The following PCDHA2 variants were observed in gnomAD, a reference collection of about 807,000 sequenced individuals.
PCDHA2 encodes the protein protocadherin alpha-2.
Under a neutral mutation model 66.0 loss-of-function variants are expected in PCDHA2, and 58 were observed. That is an observed-to-expected ratio of 0.88 (90% CI 0.71 to 1.09). The LOEUF (loss-of-function observed/expected upper bound fraction) is 1.09. Among genes scored for constraint, PCDHA2 ranks in the 50% least tolerant of loss-of-function variants. The pLI, the probability that PCDHA2 is intolerant of heterozygous loss-of-function variation, is 0.00. For synonymous variants in PCDHA2, 634 were observed against 554.0 expected, an observed-to-expected ratio of 1.14 and a Z score of -2.03; for missense variants, 1,267 against 1,242.3, an observed-to-expected ratio of 1.02 and a Z score of -0.30.
At chr5:140,924,911 TAAAATA>T (rs1563069196) in intron 1 of PCDHA2, among the ~76,000 whole-genome samples, 7 of 59,704 alleles carry the variant, frequency 1.2e-4, no homozygotes, top group Non-Finnish European at 2.5e-4. Flanking sequence ...AAAAATAAAA[TAAAATA>T]AAATAAAATA....
intron 1 of PCDHA2, chr5:140,803,775 G>A (rs868977424): frequency 9.8e-7 from 1 of 1,017,848 alleles, no homozygotes; most frequent in South Asian, 1.7e-5. Flanking sequence ...AACCAAATCA[G>A]CAGTAAGTTA....
chr5:140,862,677 G>T, intron 1 of PCDHA2: 1 of 550,930 alleles, frequency 1.8e-6, no homozygotes. Context: ...AGGAGAACGT[G>T]CTGGTGTCCT....
intron 1 of PCDHA2, chr5:140,847,941 A>G (rs923253393): frequency 3.3e-5 from 5 of 151,238 alleles, no homozygotes; most frequent in African/African-American, 1.2e-4. Flanking sequence ...CAACTCCTGG[A>G]TTTCTCTTAC....
chr5:140,889,518 ATAT>A (rs2062258374), intron 1 of PCDHA2, among the ~76,000 whole-genome samples: 1 of 151,708 alleles, frequency 6.6e-6, no homozygotes, highest in South Asian at 2.1e-4. Flanking sequence ...TCCATTCTTG[ATAT>A]TATTTTTGCT....
intron 1 of PCDHA2, among the ~76,000 whole-genome samples, chr5:140,950,176 T>G (rs1221821328): frequency 6.6e-6 from 1 of 151,976 alleles, no homozygotes; most frequent in Non-Finnish European, 1.5e-5. Flanking sequence ...TTTAGAGAAT[T>G]AAGAAGGAAA....
rs1775694591 is a variant in PCDHA2 at position 140,838,348 on chromosome 5, T to C, written c.2388+40996T>C. ...CATGTTGCCCCGGCTGGTCTCGAAA[T>C]CTGGGACTCAAGTGATCTGACTGCC... On this transcript the variant is annotated intron_variant, in intron 1 of 3. Coordinates refer to ENST00000526136, the MANE Select transcript of PCDHA2 (RefSeq NM_018905.3). Among the ~76,000 whole-genome samples the C allele has an allele frequency of 1.3e-5, 2 of 150,108 alleles. 1 individual carries two copies. The highest frequency in any genetic ancestry group is 4.9e-5 in the African/African-American group (2 of 40,592).
rs782012270 is a variant in PCDHA2 at position 140,795,048 on chromosome 5, C to A, written c.84C>A (p.Ser28Arg). 1.9e-6 allele frequency: 3 copies of A among 1,613,822 alleles called. No individual in the cohort carries two copies. The highest frequency in any genetic ancestry group is 1.7e-6 in the Non-Finnish European group (2 of 1,179,998). ...TCCTCGCAGCCTGGGAGGTGGGGAG[C>A]GGCCAGCTCCGCTACTCCGTCCCCG... ...LLLLAAWEVG[S>R]GQLRYSVPEE... Residue 28 changes from serine to arginine, a missense_variant, in exon 1 of 4, where the codon AGC (serine) becomes AGA (arginine). Transcript: ENST00000526136.
rs1554262420 is a variant in PCDHA2, at chr5:141,009,791, C to G, written c.2701C>G (p.Pro901Ala). ...TGCAATCATCTCCATCCGGCAGGAG[C>G]CTACTAACAGCCAAATTGACAAAAG... ...SPAIISIRQE[P>A]TNSQIDKSDF... The change falls in exon 4 of 4, where the codon CCT becomes GCT. Residue 901 changes from proline (P) to alanine (A), a missense_variant. Pro to Ala is a conservative substitution (Grantham distance 27). Transcript: ENST00000526136. 1 of 1,614,084 alleles carries G rather than the reference C, an allele frequency of 6.2e-7. No individual in the cohort carries two copies. Among genetic ancestry groups the G allele is most frequent in the Admixed American group, 1.7e-5 (1 of 60,016 alleles).
At chr5:140,839,172 A>T (rs1216545013) in intron 1 of PCDHA2, among the ~76,000 whole-genome samples, 5 of 150,756 alleles carry the variant, frequency 3.3e-5, no homozygotes, top group African/African-American at 7.4e-5. Context: ...AAAGATATTC[A>T]GTTTTGTGGA....
chr5:140,891,748 C>G (rs575198849), intron 1 of PCDHA2, among the ~76,000 whole-genome samples: 2 of 152,242 alleles, frequency 1.3e-5, no homozygotes, highest in African/African-American at 4.8e-5. Flanking sequence ...CCTTATACAA[C>G]AGTGTTGGGA....
At chr5:140,958,810 G>T (rs2095443726) in intron 1 of PCDHA2, among the ~76,000 whole-genome samples, 1 of 151,988 alleles carries the variant, frequency 6.6e-6, no homozygotes, top group Non-Finnish European at 1.5e-5. Context: ...ACACCATTCT[G>T]TTTTAATTTT....
chr5:140,870,949 G>A (rs1554164920), intron 1 of PCDHA2: 2 of 1,613,686 alleles, frequency 1.2e-6, no homozygotes, highest in East Asian at 2.2e-5. Context: ...GGCGGCGGGC[G>A]GCTCGCGCAT....
chr5:140,870,186 C>T (rs1362653742), intron 1 of PCDHA2: 7 of 1,614,152 alleles, frequency 4.3e-6, no homozygotes, highest in Non-Finnish European at 5.9e-6. Flanking sequence ...TACGAGAGGA[C>T]GCTCAGCCCA....
chr5:140,871,028 C>A (rs782198197), intron 1 of PCDHA2: 2 of 1,613,234 alleles, frequency 1.2e-6, no homozygotes, highest in Non-Finnish European at 1.7e-6. Context: ...GCAGACTCGC[C>A]GCGCCACCGA....
intron 3 of PCDHA2, among the ~76,000 whole-genome samples, chr5:140,983,433 G>A (rs1306046524): frequency 1.3e-5 from 2 of 152,208 alleles, no homozygotes; most frequent in African/African-American, 4.8e-5. Context: ...CACAAATTGT[G>A]TCTACTCTAA....
chr5:140,823,780 G>A lies in PCDHA2; in HGVS notation c.2388+26428G>A, dbSNP rs2150129118. ...CACAGCCACAGTGCTGGTGTCGCTG[G>A]TGGAAAGTGGCCAGGCGCCGAAGGC... On this transcript the variant is annotated intron_variant, in intron 1 of 3. Coordinates refer to ENST00000526136, the MANE Select transcript of PCDHA2 (RefSeq NM_018905.3). 4 of 1,613,760 alleles carry A rather than the reference G, an allele frequency of 2.5e-6. No individual in the cohort carries two copies. The South Asian group carries it at 3.3e-5, about 13-fold the overall frequency.
chr5:140,843,680 G>T, intron 1 of PCDHA2: 1 of 1,588,882 alleles, frequency 6.3e-7, no homozygotes, highest in East Asian at 2.2e-5. Flanking sequence ...TGATGTAGGC[G>T]AAGAGCAAGA....
At chr5:140,870,452 A>G in intron 1 of PCDHA2, 1 of 1,614,168 alleles carries the variant, frequency 6.2e-7, no homozygotes, top group Non-Finnish European at 8.5e-7. Context: ...GTGAACGACA[A>G]TGCGCCTGCG....
At chr5:140,915,626 G>GTCTC (rs57920489) in intron 1 of PCDHA2, among the ~76,000 whole-genome samples, 42,931 of 146,342 alleles carry the variant, frequency 0.29, 6,396 homozygotes, top group East Asian at 0.48. Context: ...GTCTCTTTCT[G>GTCTC]TCTCTCTCTC....
Sources: allele counts gnomAD v4.1 joint callset (sites outside exome capture counted in the v4.1 genomes callset), GRCh38; gene constraint gnomAD v4.1.1; transcripts MANE v1.5; gene names NCBI Gene and HGNC (gene_info 2026-07-23, HGNC 2026-07-21).